PCNX1: variants seen among roughly 807,000 people sequenced by gnomAD.
PCNX1 encodes the protein pecanex 1, also known as pecanex-like protein 1.
In PCNX1, 78 loss-of-function variants were observed where a neutral mutation model predicts 242.2. That is an observed-to-expected ratio of 0.32 (90% confidence interval 0.27 to 0.39). The LOEUF (loss-of-function observed/expected upper bound fraction) is 0.39, where lower values mean the gene tolerates loss of function less well. Among genes scored for constraint, PCNX1 ranks in the 10% least tolerant of loss-of-function variants. The pLI, the probability that PCNX1 is intolerant of heterozygous loss-of-function variation, is 1.00. For missense variants in PCNX1, 2,581 were observed against 2,856.5 expected, an observed-to-expected ratio of 0.90 and a Z score of 2.20; for synonymous variants, 1,024 against 1,032.9, an observed-to-expected ratio of 0.99 and a Z score of 0.17.
chr14:70,945,818 C>T lies in PCNX1; in HGVS notation c.154-1097C>T, dbSNP rs900508947. On this transcript the variant is annotated intron_variant, in intron 1 of 35. Transcript: ENST00000304743. ...AAGTAGCTGGGATTACAAGTGCCCA[C>T]CACTACGCCTGGCTAGAGGTTACTC... Among the ~76,000 whole-genome samples, 4 of 152,168 alleles carry T rather than the reference C, an allele frequency of 2.6e-5. No individual in the cohort carries two copies. In the South Asian group the frequency reaches 6.2e-4, roughly 24 times the overall value.
intron 28 of PCNX1, among the ~76,000 whole-genome samples, chr14:71,086,523 C>A (rs1319839940): frequency 6.6e-6 from 1 of 152,164 alleles, no homozygotes; most frequent in African/African-American, 2.4e-5. Flanking sequence ...TTGGAGGGAC[C>A]AGAGCAGCTG....
At chr14:71,109,279 G>A (rs935951998) in intron 34 of PCNX1, among the ~76,000 whole-genome samples, 173 bp from the exon 35 acceptor site, 1 of 152,148 alleles carries the variant, frequency 6.6e-6, no homozygotes, top group African/African-American at 2.4e-5. Context: ...TTGCAGTGAG[G>A]TCTACCAGAG....
rs1220196966 is a variant in PCNX1, at chr14:71,034,119, T to TA, written c.3774+83_3774+84insA. 5.6e-6 allele frequency: 4 copies of TA among 719,188 alleles called. No homozygotes were observed. In the African/African-American group the frequency reaches 7.2e-5, roughly 13 times the overall value. 44.6% of individuals were successfully genotyped at this position (719,188 alleles called of 1,614,324 possible). ...TTATATGAGGAACACTTTTTGAAAG[T>TA]CATTAGTAATTGGAGAAAAATGTAT... is the stretch of plus-strand genomic sequence containing the variant. On this transcript the variant is annotated intron_variant, in intron 18 of 35. Transcript: ENST00000304743.
intron 11 of PCNX1, among the ~76,000 whole-genome samples, chr14:71,014,941 G>T (rs895875061): frequency 1.3e-5 from 2 of 152,024 alleles, no homozygotes; most frequent in African/African-American, 4.8e-5. Flanking sequence ...CAAAACCAGT[G>T]ATAAAATTGT....
intron 6 of PCNX1, among the ~76,000 whole-genome samples, chr14:70,981,575 A>G (rs1284214919): frequency 1.3e-5 from 2 of 152,152 alleles, no homozygotes; most frequent in African/African-American, 4.8e-5. Flanking sequence ...GAATTTCATC[A>G]ATAATGGTTT....
rs117329013 is a variant in PCNX1, at chr14:70,921,178, A to G, written c.153+13175A>G. Among the ~76,000 whole-genome samples the G allele has an allele frequency of 1.4e-4, 22 of 152,290 alleles. No individual in the cohort carries two copies. The East Asian group carries it at 4.2e-3, about 29-fold the overall frequency. ...TAAAAACAAACAATTCAGAAAACCT[A>G]AATAAACCAATTTCATTTTCACTCA... On this transcript the variant is annotated intron_variant, in intron 1 of 35. Coordinates refer to ENST00000304743, the MANE Select transcript of PCNX1 (RefSeq NM_014982.3).
chr14:71,051,159 ACT>A (rs1282015743), intron 23 of PCNX1, among the ~76,000 whole-genome samples: 3 of 132,236 alleles, frequency 2.3e-5, no homozygotes, highest in African/African-American at 5.8e-5. Flanking sequence ...CGAGAGCAAA[ACT>A]CTGTCTCAAA....
At chr14:71,031,020 T>C (rs1433816074) in intron 16 of PCNX1, among the ~76,000 whole-genome samples, 1 of 152,228 alleles carries the variant, frequency 6.6e-6, no homozygotes, top group Non-Finnish European at 1.5e-5. Context: ...ATTTAAACTT[T>C]CTGCAAACAT....
intron 1 of PCNX1, among the ~76,000 whole-genome samples, chr14:70,909,993 G>C (rs1458877417): frequency 8.7e-5 from 8 of 92,066 alleles, no homozygotes; most frequent in Non-Finnish European, 1.4e-4. Context: ...TGAGCAATAG[G>C]GGCTGTATCT....
At position 70,976,888 on chromosome 14, in the gene PCNX1, A is replaced by G. The variant is rs1595113209; in HGVS notation, c.605-54A>G. 3 of 1,462,244 alleles carry G rather than the reference A, an allele frequency of 2.1e-6. No homozygotes were observed. In the East Asian group the frequency reaches 6.8e-5, roughly 33 times the overall value. The allele number at this position is 1,462,244 out of a possible 1,614,324, so 90.6% of individuals were successfully genotyped here. A position where few individuals can be genotyped will look rare whatever the true frequency, so the allele number is the denominator to read the frequency against. On this transcript the variant is annotated intron_variant, in intron 5 of 35. Coordinates refer to ENST00000304743, the MANE Select transcript of PCNX1 (RefSeq NM_014982.3). ...TGAATTCTTTCCATTGTTAAACAGT[A>G]GAAAAGCAGATCATACATTTATTTT... is the stretch of plus-strand genomic sequence containing the variant.
intron 2 of PCNX1, among the ~76,000 whole-genome samples, chr14:70,950,698 AATT>A (rs1189842874): frequency 6.6e-6 from 1 of 152,058 alleles, no homozygotes; most frequent in Non-Finnish European, 1.5e-5. Context: ...TATGTAAATA[AATT>A]ATTGTTTAAT....
intron 11 of PCNX1, among the ~76,000 whole-genome samples, chr14:71,018,632 G>A (rs1232132438): frequency 6.6e-6 from 1 of 151,998 alleles, no homozygotes. Context: ...TTGAGATTTT[G>A]TTTTTTAAAC....
In PCNX1 at chr14:70,945,895, T is replaced by C. The variant is rs374648521; in HGVS notation, c.154-1020T>C. 3.6e-3 allele frequency among the ~76,000 whole-genome samples: 552 copies of C among 152,338 alleles called. 1 individual carries two copies. Among genetic ancestry groups the C allele is most frequent in the African/African-American group, 0.013 (534 of 41,580 alleles). ...CTCAGATAACTGAGATTGAATCTTG[T>C]GAAAACATGTGGGATCTAGAGCTAT... On this transcript the variant is annotated intron_variant, in intron 1 of 35. Transcript: ENST00000304743.
intron 1 of PCNX1, among the ~76,000 whole-genome samples, chr14:70,923,919 T>C (rs1201136956): frequency 6.6e-6 from 1 of 152,136 alleles, no homozygotes; most frequent in Non-Finnish European, 1.5e-5. Flanking sequence ...AAAGGGCTAA[T>C]ACTTCTGCAG....
chr14:71,015,037 A>G (rs551451670), intron 11 of PCNX1, among the ~76,000 whole-genome samples: 1 of 152,344 alleles, frequency 6.6e-6, no homozygotes, highest in South Asian at 2.1e-4. Context: ...AAGACAGTAG[A>G]GGAGCATCTT....
intron 1 of PCNX1, among the ~76,000 whole-genome samples, chr14:70,933,943 C>T (rs1450447506): frequency 6.6e-6 from 1 of 152,164 alleles, no homozygotes; most frequent in Non-Finnish European, 1.5e-5. Context: ...CAGGCTTTGG[C>T]TACAATGTAC....
chr14:70,933,756 A>G (rs374374936), intron 1 of PCNX1, among the ~76,000 whole-genome samples: 37 of 152,352 alleles, frequency 2.4e-4, no homozygotes, highest in African/African-American at 8.9e-4. Flanking sequence ...TGAGGGCTAA[A>G]TGAGTTAGTA....
At position 71,108,882 on chromosome 14, in the gene PCNX1, A is replaced by T; in HGVS notation, c.6580A>T (p.Ser2194Cys). Residue 2194 changes from serine to cysteine, a missense_variant, in exon 34 of 36, where the codon AGC becomes TGC. Around this residue, in one of 9 missense-constraint regions of PCNX1, gnomAD observed 432 missense variants for 433.6 expected, o/e 1.00. Transcript: ENST00000304743. Reference protein sequence around the residue: ...ACVQHGLPSSSSSSQSIPACK... With the variant: ...ACVQHGLPSSCSSSQSIPACK... ...TGTGCAGCACGGCCTGCCTTCCTCC[A>T]GCAGCTCCAGCCAAAGCATCCCAGC... is the stretch of plus-strand genomic sequence containing the variant. The T allele has an allele frequency of 6.2e-7, 1 of 1,614,240 alleles. No individual in the cohort carries two copies.
In PCNX1 at chr14:71,104,048, A is replaced by T. The variant is rs116753123; in HGVS notation, c.6095+379A>T. On this transcript the variant is annotated intron_variant, in intron 32 of 35. Transcript: ENST00000304743. ...AGTTGATTACTTTGTCTAGTTTACC[A>T]TTCTGTTCCAACACTAGGGGGAGCA... Among the ~76,000 whole-genome samples the T allele has an allele frequency of 8.8e-3, 1,336 of 152,314 alleles. 12 individuals carry two copies. The highest frequency in any genetic ancestry group is 0.03 in the African/African-American group (1,260 of 41,570).
Sources: allele counts gnomAD v4.1 joint callset (sites outside exome capture counted in the v4.1 genomes callset), GRCh38; gene constraint gnomAD v4.1.1; regional missense constraint gnomAD v4.1.1; transcripts MANE v1.5; gene names NCBI Gene and HGNC (gene_info 2026-07-23, HGNC 2026-07-21).